Variants in CIAPIN1 observed in about 807,000 individuals in gnomAD.
CIAPIN1 encodes the protein anamorsin.
In CIAPIN1, 18 loss-of-function variants were observed where a neutral mutation model predicts 34.3. The ratio of observed to expected loss-of-function variants is 0.52; its 90% CI spans 0.36 to 0.78. The LOEUF is 0.78. Among genes scored for constraint, CIAPIN1 ranks in the 30% least tolerant of loss-of-function variants. The probability of loss-of-function intolerance (pLI) is 0.00; values close to 1 mark genes in which losing one functional copy is unlikely to be tolerated. For missense variants in CIAPIN1, 310 were observed against 372.5 expected (o/e 0.83, Z 1.38); for synonymous variants, 131 against 140.4 (o/e 0.93, Z 0.47).
At chr16:57,441,436 T>C (rs1299797600) in intron 1 of CIAPIN1, 1 of 152,546 alleles carries the variant, frequency 6.6e-6, no homozygotes, top group African/African-American at 2.4e-5. Context: ...GAATACTGGT[T>C]ATTTTCCCTT....
rs181777748 is a variant in CIAPIN1 at position 57,440,197 on chromosome 16, G to A, written c.157+575C>T. ...CCCGTAGCACTCCCAGGCCTGTTAG[G>A]ACGAGGAAATTCCCACCCAGTAAAT... On this transcript the variant is annotated intron_variant, in intron 2 of 8. Coordinates refer to ENST00000394391, the MANE Select transcript of CIAPIN1 (RefSeq NM_020313.4). Among the ~76,000 whole-genome samples, 40 of 152,316 alleles carry A rather than the reference G, an allele frequency of 2.6e-4. No individual in the cohort carries two copies. In the East Asian group the frequency reaches 4.4e-3, roughly 17 times the overall value.
chr16:57,439,406 A>G (rs866593320), intron 2 of CIAPIN1, 72 bp from the exon 3 acceptor site: 3 of 1,520,862 alleles, frequency 2.0e-6, no homozygotes, highest in Non-Finnish European at 2.7e-6. Flanking sequence ...CCAACCCCCA[A>G]CAAAAGCTAC....
chr16:57,439,431 G>A, intron 2 of CIAPIN1, 97 bp from the exon 3 acceptor site: 1 of 1,247,580 alleles, frequency 8.0e-7, no homozygotes, highest in Non-Finnish European at 1.2e-6. Context: ...CTCACCCTGA[G>A]AGAATGGACA....
Position 57,434,094 on chromosome 16 carries a change from C to T in CIAPIN1, c.506G>A (p.Gly169Asp), listed in dbSNP as rs1335847833. 3 of 1,614,064 alleles carry T rather than the reference C, an allele frequency of 1.9e-6. No individual in the cohort carries two copies. The highest frequency in any genetic ancestry group is 1.7e-5 in the Admixed American group (1 of 59,998). The change falls in exon 5 of 9, where the codon GGT becomes GAT. Residue 169 changes from glycine to aspartate, a missense_variant. Transcript: ENST00000394391. ...GGAAAGCTTAAGCTGCCTAGAAGAA[C>T]CCACTTCAAAGTTTGGTTTTTTGCC... Reference protein sequence around the residue: ...ITGKKPNFEVGSSRQLKLSIT... With the variant: ...ITGKKPNFEVDSSRQLKLSIT...
At chr16:57,434,316 T>A (rs1903153938) in intron 4 of CIAPIN1, 104 bp from the exon 5 acceptor site, 1 of 1,049,890 alleles carries the variant, frequency 9.5e-7, no homozygotes, top group Admixed American at 1.9e-5. Context: ...GCATTAAGGA[T>A]GTAACAGTGG....
chr16:57,428,474 G>A lies in CIAPIN1; in HGVS notation c.*696C>T, dbSNP rs1341341069. 1.3e-5 allele frequency: 2 copies of A among 152,228 alleles called. No individual in the cohort carries two copies. Among genetic ancestry groups the A allele is most frequent in the East Asian group, 1.9e-4 (1 of 5,194 alleles). 9.4% of individuals were successfully genotyped at this position (152,228 alleles called of 1,614,324 possible). ...CTAAGTTCCTCCAATGGTCCAAACT[G>A]AGCGTGGATGACTATCCAACATCAC... On this transcript the variant is annotated 3_prime_UTR_variant, in exon 9 of 9. Transcript: ENST00000394391.
Position 57,432,508 on chromosome 16 carries a change from G to A in CIAPIN1, c.609C>T (p.Asn203=), listed in dbSNP as rs747622608. 12 of 1,613,402 alleles carry A rather than the reference G, an allele frequency of 7.4e-6. No individual in the cohort carries two copies. Among genetic ancestry groups the A allele is most frequent in the South Asian group, 1.1e-5 (1 of 91,058 alleles). Residue 203 remains asparagine (N), a synonymous_variant, in exon 6 of 9, where the codon AAC becomes AAT. Coordinates refer to ENST00000394391, the MANE Select transcript of CIAPIN1 (RefSeq NM_020313.4). ...AAAKLWTLSA[N]DMEDDSMDLI... ...TCACCATGCTGTCGTCCTCCATATCGTTGGCTGAGAGGGTCCACAGCTTGG... is the reference window on the plus strand; with the variant it reads ...TCACCATGCTGTCGTCCTCCATATCATTGGCTGAGAGGGTCCACAGCTTGG...
chr16:57,446,915 C>T (rs1598032994), intron 1 of CIAPIN1, among the ~76,000 whole-genome samples: 1 of 152,214 alleles, frequency 6.6e-6, no homozygotes, highest in Admixed American at 6.5e-5. Context: ...CCAAGGCTTT[C>T]GTGCTTTGCT....
In CIAPIN1 at chr16:57,434,025, G is replaced by T; in HGVS notation, c.556+19C>A. The T allele has an allele frequency of 6.2e-7, 1 of 1,611,548 alleles. No homozygotes were observed. Among genetic ancestry groups the T allele is most frequent in the Non-Finnish European group, 8.5e-7 (1 of 1,178,150 alleles). ...TCTAAGCCCATTCAAACAGAAGAAT[G>T]TCCCTAGGCCAGCCTTACCTGAAGG... On this transcript the variant is annotated intron_variant, in intron 5 of 8. Transcript: ENST00000394391.
intron 4 of CIAPIN1, among the ~76,000 whole-genome samples, chr16:57,435,498 G>T (rs1903179467): frequency 6.6e-6 from 1 of 152,172 alleles, no homozygotes; most frequent in Non-Finnish European, 1.5e-5. Context: ...AAGAATCTAA[G>T]GCCTGGCATA....
intron 5 of CIAPIN1, among the ~76,000 whole-genome samples, chr16:57,432,970 C>A (rs78405457): frequency 0.017 from 2,632 of 152,284 alleles, 86 homozygotes; most frequent in African/African-American, 0.06. Context: ...CTCCTCGATA[C>A]CTTAGTTTCC....
At chr16:57,432,692 G>T in intron 5 of CIAPIN1, 132 bp from the exon 6 acceptor site, 1 of 726,968 alleles carries the variant, frequency 1.4e-6, no homozygotes, top group Non-Finnish European at 2.3e-6. Flanking sequence ...TGGGTTCACA[G>T]TCCAGCTCTA....
intron 1 of CIAPIN1, among the ~76,000 whole-genome samples, chr16:57,446,176 A>G (rs1439015310): frequency 6.6e-6 from 1 of 152,182 alleles, no homozygotes; most frequent in Non-Finnish European, 1.5e-5. Flanking sequence ...ACAATGAAAC[A>G]GGAACGTCTC....
At position 57,439,234 on chromosome 16, in the gene CIAPIN1, G is replaced by A; in HGVS notation, c.258C>T (p.Ile86=). The part of the protein sequence containing the change: ...SAEILAEIAR[I]LRPGGCLFLK... ...GAAAAAGACATCCACCAGGCCGAAG[G>A]ATCCGGGCGATTTCAGCCAAAATCT... Residue 86 remains isoleucine (I), a synonymous_variant, in exon 3 of 9, where the codon ATC becomes ATT. Coordinates refer to ENST00000394391, the MANE Select transcript of CIAPIN1 (RefSeq NM_020313.4). 1 of 1,614,164 alleles carries A rather than the reference G, an allele frequency of 6.2e-7. No individual in the cohort carries two copies. Among genetic ancestry groups the A allele is most frequent in the Non-Finnish European group, 8.5e-7 (1 of 1,180,042 alleles).
chr16:57,441,717 C>T (rs1903335990), intron 1 of CIAPIN1, among the ~76,000 whole-genome samples: 1 of 152,148 alleles, frequency 6.6e-6, no homozygotes. Flanking sequence ...ACTGTAAATC[C>T]CATGCTTTTA....
At chr16:57,436,449 C>T (rs1412653092) in intron 4 of CIAPIN1, among the ~76,000 whole-genome samples, 5 of 151,980 alleles carry the variant, frequency 3.3e-5, no homozygotes, top group Non-Finnish European at 4.4e-5. Context: ...AGGATGGTCT[C>T]GATCTCCTGA....
intron 3 of CIAPIN1, among the ~76,000 whole-genome samples, chr16:57,437,341 C>T (rs1449631570): frequency 6.6e-6 from 1 of 152,080 alleles, no homozygotes; most frequent in Admixed American, 6.6e-5. Context: ...TTCTGCCCAA[C>T]TGTAGGCTAA....
At chr16:57,429,837 A>G (rs1472269982) in intron 8 of CIAPIN1, among the ~76,000 whole-genome samples, 1 of 149,650 alleles carries the variant, frequency 6.7e-6, no homozygotes, top group African/African-American at 2.5e-5. Flanking sequence ...CCCAGGCTGG[A>G]GTGCAGTGGT....
chr16:57,439,586 G>A (rs1004013464), intron 2 of CIAPIN1, among the ~76,000 whole-genome samples: 48 of 152,206 alleles, frequency 3.2e-4, no homozygotes, highest in African/African-American at 1.1e-3. Flanking sequence ...CCAAACGGAG[G>A]GACCGGCTGA....
Sources: gnomAD v4.1 joint callset for allele counts (sites outside exome capture counted in the v4.1 genomes callset) on GRCh38, gnomAD v4.1.1 for gene constraint, MANE v1.5 for transcripts, NCBI Gene and HGNC (gene_info 2026-07-23, HGNC 2026-07-21) for gene names.